Variants in EPHA5 observed in about 807,000 individuals in gnomAD.
EPHA5 encodes the protein ephrin type-A receptor 5.
Under a neutral mutation model 105.0 loss-of-function variants are expected in EPHA5, and 60 were observed. That is an observed-to-expected ratio of 0.57 (90% CI 0.46 to 0.71). The LOEUF (loss-of-function observed/expected upper bound fraction) is 0.71, where lower values mean the gene tolerates loss of function less well. Among genes scored for constraint, EPHA5 ranks in the 30% least tolerant of loss-of-function variants. The pLI is 0.00. For missense variants in EPHA5, 1,218 were observed against 1,274.7 expected (o/e 0.96, Z 0.68); for synonymous variants, 513 against 449.1 (o/e 1.14, Z -1.80).
chr4:65,512,096 C>G (rs1223971454), intron 3 of EPHA5, among the ~76,000 whole-genome samples: 3 of 151,870 alleles, frequency 2.0e-5, no homozygotes, highest in Non-Finnish European at 2.9e-5. Context: ...AGAGGAATAC[C>G]CAATGGTGGG....
intron 5 of EPHA5, among the ~76,000 whole-genome samples, chr4:65,449,640 G>A (rs552949986): frequency 6.6e-6 from 1 of 152,132 alleles, no homozygotes; most frequent in South Asian, 2.1e-4. Context: ...AAAAGTAGTT[G>A]AAGTCCCCAA....
At chr4:65,552,492 A>G (rs1311985187) in intron 3 of EPHA5, among the ~76,000 whole-genome samples, 1 of 152,068 alleles carries the variant, frequency 6.6e-6, no homozygotes, top group Non-Finnish European at 1.5e-5. Context: ...GCTACGCTTG[A>G]CTGACAAATC....
chr4:65,474,745 GTTAATTATTAATAAAA>G (rs1358582409), intron 5 of EPHA5, among the ~76,000 whole-genome samples: 1 of 152,100 alleles, frequency 6.6e-6, no homozygotes, highest in African/African-American at 2.4e-5. Context: ...CCAATGAACG[GTTAATTATTAATAAAA>G]TCAAATGGAA....
At chr4:65,591,306 T>A (rs1578514785) in intron 3 of EPHA5, among the ~76,000 whole-genome samples, 2 of 152,218 alleles carry the variant, frequency 1.3e-5, no homozygotes, top group East Asian at 3.9e-4. Flanking sequence ...CTTATTGTAA[T>A]AACTAGTATT....
chr4:65,565,796 GA>G (rs1298696986), intron 3 of EPHA5, among the ~76,000 whole-genome samples: 13 of 151,478 alleles, frequency 8.6e-5, no homozygotes. Context: ...AAAAATTACA[GA>G]ATATAAATGA....
chr4:65,669,666 G>T lies in EPHA5; in HGVS notation c.77C>A (p.Ala26Glu). 3 of 1,357,770 alleles carry T rather than the reference G, an allele frequency of 2.2e-6. No individual in the cohort carries two copies. Among genetic ancestry groups the T allele is most frequent in the Non-Finnish European group, 2.9e-6 (3 of 1,050,186 alleles). 84.1% of individuals were successfully genotyped at this position (1,357,770 alleles called of 1,614,324 possible). The stretch of plus-strand genomic sequence containing the variant: ...TGCAGAGTAGCAGCCGGCCAGGGAC[G>T]CTGGGGTGATGGGGGTGTCGCCGCC... ...SGGGDTPITP[A>E]SLAGCYSAPR... is the part of the protein sequence containing the mutation. Residue 26 changes from alanine (A) to glutamate (E), a missense_variant, in exon 1 of 17, where the codon GCG (alanine) becomes GAG (glutamate). Ala to Glu is a moderately radical substitution (Grantham distance 107). Transcript: ENST00000613740.
chr4:65,645,891 A>T (rs1283369405), intron 1 of EPHA5, among the ~76,000 whole-genome samples: 2 of 152,148 alleles, frequency 1.3e-5, no homozygotes, highest in African/African-American at 4.8e-5. Flanking sequence ...ATGATTTCAT[A>T]AAATTCACAA....
intron 3 of EPHA5, among the ~76,000 whole-genome samples, chr4:65,507,493 C>G (rs1733162399): frequency 1.3e-5 from 2 of 152,218 alleles, no homozygotes; most frequent in Middle Eastern, 3.4e-3. Flanking sequence ...TGCTTCCTAC[C>G]CATGAGCATG....
intron 5 of EPHA5, among the ~76,000 whole-genome samples, chr4:65,485,845 A>G (rs894012536): frequency 6.6e-6 from 1 of 152,128 alleles, no homozygotes; most frequent in Non-Finnish European, 1.5e-5. Context: ...TTCCCTCAGA[A>G]CCACAAACTT....
chr4:65,542,284 A>G (rs578056986), intron 3 of EPHA5, among the ~76,000 whole-genome samples: 1 of 151,950 alleles, frequency 6.6e-6, no homozygotes. Flanking sequence ...CAAAAAATCA[A>G]TAAATCCAGG....
At chr4:65,483,850 G>A (rs73222170) in intron 5 of EPHA5, among the ~76,000 whole-genome samples, 4,518 of 152,102 alleles carry the variant, frequency 0.03, 217 homozygotes, top group African/African-American at 0.1. Flanking sequence ...CCAAACTAAA[G>A]ACCTCTGAGC....
chr4:65,420,302 C>T (rs1337143608), intron 6 of EPHA5, 139 bp downstream of exon 6: 7 of 836,814 alleles, frequency 8.4e-6, no homozygotes, highest in Non-Finnish European at 1.3e-5. Flanking sequence ...CTTCTAGCCT[C>T]CATAATTATG....
intron 3 of EPHA5, among the ~76,000 whole-genome samples, chr4:65,569,359 T>G (rs1447224663): frequency 6.6e-6 from 1 of 151,694 alleles, no homozygotes; most frequent in African/African-American, 2.4e-5. Flanking sequence ...ATGTTTAAAC[T>G]TAAGAGGAAA....
intron 3 of EPHA5, among the ~76,000 whole-genome samples, chr4:65,514,636 T>A (rs185087159): frequency 6.6e-6 from 1 of 152,148 alleles, no homozygotes; most frequent in African/African-American, 2.4e-5. Context: ...GTAATCAAAA[T>A]TACTGAGTTC....
intron 2 of EPHA5, among the ~76,000 whole-genome samples, chr4:65,615,408 A>G (rs1745142854): frequency 6.6e-6 from 1 of 151,920 alleles, no homozygotes; most frequent in Non-Finnish European, 1.5e-5. Context: ...AGAGGAAATC[A>G]ACTCAGTAGA....
rs1212913316 is a variant in EPHA5, at chr4:65,323,947, G to A, written c.*167C>T. On this transcript the variant is annotated 3_prime_UTR_variant, in exon 17 of 17. Coordinates refer to ENST00000613740, the MANE Select transcript of EPHA5 (RefSeq NM_001281766.3). ...AAATGAAGACTAAGGACTAAGAACT[G>A]GATACTTCAGTAAAACCATGATTAC... is the stretch of plus-strand genomic sequence containing the variant. 5.6e-6 allele frequency: 3 copies of A among 533,864 alleles called. No homozygotes were observed. The highest frequency in any genetic ancestry group is 1.0e-5 in the Non-Finnish European group (3 of 298,644). 33.1% of individuals were successfully genotyped at this position (533,864 alleles called of 1,614,324 possible).
At chr4:65,357,994 G>T (rs189682467) in intron 11 of EPHA5, among the ~76,000 whole-genome samples, 25 of 151,490 alleles carry the variant, frequency 1.7e-4, no homozygotes, top group African/African-American at 6.0e-4. Context: ...CAAATTTGGG[G>T]AATGTTGATC....
chr4:65,430,181 A>G (rs1453551415), intron 5 of EPHA5, among the ~76,000 whole-genome samples: 2 of 152,168 alleles, frequency 1.3e-5, no homozygotes, highest in East Asian at 3.9e-4. Flanking sequence ...TTTTACTCAA[A>G]CAGATCACGC....
intron 3 of EPHA5, among the ~76,000 whole-genome samples, chr4:65,501,244 T>C (rs1183299325): frequency 1.3e-5 from 2 of 151,468 alleles, no homozygotes; most frequent in South Asian, 2.1e-4. Flanking sequence ...ATTTAAAACA[T>C]TGGAAGTGTA....
Sources: gnomAD v4.1 joint callset for allele counts (sites outside exome capture counted in the v4.1 genomes callset) on GRCh38, gnomAD v4.1.1 for gene constraint, MANE v1.5 for transcripts, NCBI Gene and HGNC (gene_info 2026-07-23, HGNC 2026-07-21) for gene names.